The following CD40 variants were observed in gnomAD, a reference collection of about 807,000 sequenced individuals.
CD40 encodes the protein CD40 molecule.
Under a neutral mutation model 38.5 loss-of-function variants are expected in CD40, and 19 were observed. The observed-to-expected ratio is 0.49, with a 90% CI of 0.34 to 0.72. The LOEUF (loss-of-function observed/expected upper bound fraction) is 0.72, where lower values mean the gene tolerates loss of function less well. Ranked by LOEUF, CD40 falls within the 30% of genes least tolerant of loss-of-function variation. The probability of loss-of-function intolerance (pLI) is 0.01; values close to 1 mark genes in which losing one functional copy is unlikely to be tolerated. For synonymous variants in CD40, 130 were observed against 128.7 expected (o/e 1.01, Z -0.07); for missense variants, 256 against 344.1 (o/e 0.74, Z 2.03).
In CD40 at chr20:46,123,517, T is replaced by A. The variant is rs141587872; in HGVS notation, c.497+298T>A. On this transcript the variant is annotated intron_variant, in intron 5 of 8. Coordinates refer to ENST00000372285, the MANE Select transcript of CD40 (RefSeq NM_001250.6). Reference sequence around the variant, plus strand: ...TTCTGCCCCTCCTGCTTCTCCTCAGTTTTCCTCGTCTTGCTTTCACCTTAC... The same window carrying A: ...TTCTGCCCCTCCTGCTTCTCCTCAGATTTCCTCGTCTTGCTTTCACCTTAC... Among the ~76,000 whole-genome samples, 433 of 152,332 alleles carry A rather than the reference T, an allele frequency of 2.8e-3. 5 individuals are homozygous for A. Among genetic ancestry groups the A allele is most frequent in the African/African-American group, 1.0e-2 (415 of 41,574 alleles).
In CD40 at chr20:46,122,925, G is replaced by T. The variant is rs1015743694; in HGVS notation, c.403+169G>T. On this transcript the variant is annotated intron_variant, in intron 4 of 8. Transcript: ENST00000372285. The surrounding 1 kb of genome is among the most constrained non-coding windows in gnomAD (Gnocchi z 5.0). ...CTGCAGACGGGACCTTGTTCATTCT[G>T]CCTTCTGCCATGGGGATCTGCCTTT... The T allele has an allele frequency of 1.7e-5, 16 of 959,222 alleles. No homozygotes were observed. Among genetic ancestry groups the T allele is most frequent in the Non-Finnish European group, 2.4e-5 (15 of 630,044 alleles). 59.4% of individuals were successfully genotyped at this position (959,222 alleles called of 1,614,324 possible).
chr20:46,120,623 C>T (rs552015299), intron 1 of CD40, among the ~76,000 whole-genome samples: 3 of 152,198 alleles, frequency 2.0e-5, no homozygotes, highest in Admixed American at 6.5e-5. Flanking sequence ...CAAGAGCAGG[C>T]CTGGGAGGGC....
At chr20:46,127,900 T>C in intron 6 of CD40, 1 of 701,084 alleles carries the variant, frequency 1.4e-6, no homozygotes, top group East Asian at 3.0e-5. Context: ...GATGTCTAGG[T>C]TTGAATATGT....
intron 1 of CD40, among the ~76,000 whole-genome samples, chr20:46,118,643 A>AGACGGCCTG (rs1318578609): frequency 2.0e-5 from 3 of 152,094 alleles, no homozygotes; most frequent in Non-Finnish European, 4.4e-5. Flanking sequence ...AAGCGTGCCT[A>AGACGGCCTG]GACGGCCTGG....
intron 5 of CD40, among the ~76,000 whole-genome samples, chr20:46,124,287 G>A (rs763237756): frequency 2.0e-5 from 3 of 152,164 alleles, no homozygotes; most frequent in African/African-American, 7.2e-5. Flanking sequence ...GCAACAGAGC[G>A]ACATTCTGTC....
At position 46,129,132 on chromosome 20, in the gene CD40, G is replaced by A; in HGVS notation, c.*92G>A. 7.0e-7 allele frequency: 1 copy of A among 1,435,340 alleles called. No homozygotes were observed. The highest frequency in any genetic ancestry group is 9.7e-7 in the Non-Finnish European group (1 of 1,025,920). 88.9% of individuals were successfully genotyped at this position (1,435,340 alleles called of 1,614,324 possible). A position where few individuals can be genotyped will look rare whatever the true frequency, so the allele number is the denominator to read the frequency against. On this transcript the variant is annotated 3_prime_UTR_variant, in exon 9 of 9. Transcript: ENST00000372285. ...CTGCTGCTGTGGCGTGAGGGTGAGG[G>A]GCTGGCACTGACTGGGCATAGCTCC... is the stretch of plus-strand genomic sequence containing the variant.
At position 46,122,091 on chromosome 20, in the gene CD40, C is replaced by G; in HGVS notation, c.131-142C>G. 7.7e-6 allele frequency: 9 copies of G among 1,168,270 alleles called. No individual in the cohort carries two copies. The East Asian group carries it at 9.6e-5, about 12-fold the overall frequency. The allele number at this position is 1,168,270 out of a possible 1,614,324, so 72.4% of individuals were successfully genotyped here. A position where few individuals can be genotyped will look rare whatever the true frequency, so the allele number is the denominator to read the frequency against. The stretch of plus-strand genomic sequence containing the variant: ...CCCTGAACTAGGGATCCCAGCTTCT[C>G]CATCTTCCTCGCCTGATTATGAAGG... On this transcript the variant is annotated intron_variant, in intron 2 of 8. Coordinates refer to ENST00000372285, the MANE Select transcript of CD40 (RefSeq NM_001250.6). This position sits in a 1 kb window ranked among gnomAD's most constrained non-coding sequence, Gnocchi z 5.0.
At position 46,122,507 on chromosome 20, in the gene CD40, C is replaced by T. The variant is rs1244886527; in HGVS notation, c.257-103C>T. On this transcript the variant is annotated intron_variant, in intron 3 of 8. Coordinates refer to ENST00000372285, the MANE Select transcript of CD40 (RefSeq NM_001250.6). The surrounding 1 kb of genome is among the most constrained non-coding windows in gnomAD (Gnocchi z 5.0). ...TTAAATGATTTGATTGCCATCTCTA[C>T]TTGGAAGAGGGTCTGAGGAAGAAAG... 6.3e-7 allele frequency: 1 copy of T among 1,580,598 alleles called. No individual in the cohort carries two copies.
chr20:46,123,369 C>T (rs1365948910), intron 5 of CD40, 150 bp downstream of exon 5: 2 of 779,090 alleles, frequency 2.6e-6, no homozygotes, highest in African/African-American at 1.7e-5. Context: ...CATGGCCAAC[C>T]AGACAGGCAC....
chr20:46,122,385 C>A lies in CD40; in HGVS notation c.256+27C>A. ...TGCGTGCGCTGTTGGGAAAGGGACG[C>A]TTGGGAACCGGGCTGATATTCCCGA... On this transcript the variant is annotated intron_variant, in intron 3 of 8. Transcript: ENST00000372285. This position sits in a 1 kb window ranked among gnomAD's most constrained non-coding sequence, Gnocchi z 5.0. 1 of 1,614,022 alleles carries A rather than the reference C, an allele frequency of 6.2e-7. No homozygotes were observed. The highest frequency in any genetic ancestry group is 1.1e-5 in the South Asian group (1 of 91,080).
intron 1 of CD40, among the ~76,000 whole-genome samples, chr20:46,119,932 G>GT (rs2085285291): frequency 6.6e-6 from 1 of 152,140 alleles, no homozygotes; most frequent in Non-Finnish European, 1.5e-5. Flanking sequence ...TTAGGGGAGC[G>GT]TTTTATTTCT....
rs749590513 is a variant in CD40 at position 46,128,304 on chromosome 20, CTTTTTTT to C, written c.647-9_647-3del. The stretch of plus-strand genomic sequence containing the variant: ...TATCTGGCCTCTCCAACTCCCCATC[CTTTTTTT>C]TTTTTTTTTTTTTTTTAGAAAAGGT... On this transcript the variant is annotated intron_variant, in intron 7 of 8. Coordinates refer to ENST00000372285, the MANE Select transcript of CD40 (RefSeq NM_001250.6). 2.9e-5 allele frequency: 42 copies of C among 1,440,226 alleles called. No homozygotes were observed. In the South Asian group the frequency reaches 4.6e-4, roughly 16 times the overall value. 89.2% of individuals were successfully genotyped at this position (1,440,226 alleles called of 1,614,324 possible).
At chr20:46,125,031 T>A (rs1413597816) in intron 5 of CD40, among the ~76,000 whole-genome samples, 1 of 151,512 alleles carries the variant, frequency 6.6e-6, no homozygotes, top group African/African-American at 2.4e-5. Flanking sequence ...CCTCCCAAAG[T>A]GCTGGGATTA....
intron 1 of CD40, among the ~76,000 whole-genome samples, chr20:46,118,785 C>T (rs958867961): frequency 1.3e-5 from 2 of 152,158 alleles, no homozygotes; most frequent in African/African-American, 4.8e-5. Context: ...TGGACAGATG[C>T]CAGCCTCTGT....
At chr20:46,125,212 T>C (rs1318725524) in intron 5 of CD40, among the ~76,000 whole-genome samples, 1 of 152,008 alleles carries the variant, frequency 6.6e-6, no homozygotes, top group Admixed American at 6.5e-5. Flanking sequence ...GCTAAAAACA[T>C]GTAAAGTGTA....
chr20:46,124,496 AACACAC>A (rs756357206), intron 5 of CD40, among the ~76,000 whole-genome samples: 21 of 149,510 alleles, frequency 1.4e-4, no homozygotes, highest in Admixed American at 2.7e-4. Flanking sequence ...TAAACAAACC[AACACAC>A]ACACACACAC....
rs1383359642 is a variant in CD40 at position 46,122,717 on chromosome 20, C to T, written c.364C>T (p.His122Tyr). 1.2e-6 allele frequency: 2 copies of T among 1,614,074 alleles called. No individual in the cohort carries two copies. Among genetic ancestry groups the T allele is most frequent in the Non-Finnish European group, 1.7e-6 (2 of 1,180,046 alleles). The change falls in exon 4 of 9, where the codon CAC (histidine) becomes TAC (tyrosine). Residue 122 changes from histidine to tyrosine, a missense_variant. His to Tyr is a moderately conservative substitution (Grantham distance 83). Coordinates refer to ENST00000372285, the MANE Select transcript of CD40 (RefSeq NM_001250.6). This position sits in a 1 kb window ranked among gnomAD's most constrained non-coding sequence, Gnocchi z 5.0. ...TGAGGCCTGTGAGAGCTGTGTCCTG[C>T]ACCGCTCATGCTCGCCCGGCTTTGG... ...TSEACESCVLHRSCSPGFGVK... is the reference protein window; with the variant it reads ...TSEACESCVLYRSCSPGFGVK...
intron 4 of CD40, 76 bp from the exon 5 acceptor site, chr20:46,123,050 T>C: frequency 8.6e-7 from 1 of 1,165,554 alleles, no homozygotes; most frequent in Non-Finnish European, 1.3e-6. Flanking sequence ...CCGTCCTGCC[T>C]GGCCACTGGC....
intron 7 of CD40, 26 bp from the exon 8 acceptor site, chr20:46,128,304 C>T (rs1224030699): frequency 2.7e-5 from 39 of 1,440,228 alleles, no homozygotes; most frequent in African/African-American, 2.5e-4. Flanking sequence ...ACTCCCCATC[C>T]TTTTTTTTTT....
Sources: gnomAD v4.1 joint callset for allele counts (sites outside exome capture counted in the v4.1 genomes callset) on GRCh38, gnomAD v4.1.1 for gene constraint, Gnocchi (gnomAD v3.1) non-coding constraint, MANE v1.5 for transcripts, NCBI Gene and HGNC (gene_info 2026-07-23, HGNC 2026-07-21) for gene names.